SLC35F5: variants seen among roughly 807,000 people sequenced by gnomAD.
SLC35F5 encodes the protein solute carrier family 35 member F5, also known as HCV NS5A-transactivated protein 3.
A neutral mutation model predicts 68.6 loss-of-function variants in SLC35F5; 54 were observed. The observed-to-expected ratio is 0.79, with a 90% CI of 0.63 to 0.99. The LOEUF is 0.99. SLC35F5 is among the 50% of genes least tolerant of loss of function. The pLI is 0.00. For missense variants in SLC35F5, 567 were observed against 626.9 expected (o/e 0.90, Z 1.02); for synonymous variants, 211 against 205.2 (o/e 1.03, Z -0.24).
intron 15 of SLC35F5, 137 bp from the exon 16 acceptor site, chr2:113,715,332 A>G (rs1174908945): frequency 1.3e-5 from 2 of 152,232 alleles, no homozygotes; most frequent in Non-Finnish European, 2.9e-5. Flanking sequence ...ATAACTGGAT[A>G]CTCAAATTTG....
chr2:113,704,749 A>C (rs536712248), downstream of SLC35F5, among the ~76,000 whole-genome samples: 6 of 152,116 alleles, frequency 3.9e-5, no homozygotes, highest in South Asian at 1.2e-3. Flanking sequence ...CTGGCCCGCA[A>C]GCACCGCGCG....
In SLC35F5 at chr2:113,755,400, T is replaced by G; in HGVS notation, c.131+54A>C. 4 of 1,605,472 alleles carry G rather than the reference T, an allele frequency of 2.5e-6. No individual in the cohort carries two copies. The South Asian group carries it at 4.4e-5, about 18-fold the overall frequency. ...TTAGTATAACAGAAACATTTGACTT[T>G]TGTTAGCTAATGTTCAGTGTGAAAG... On this transcript the variant is annotated intron_variant, in intron 2 of 15. Transcript: ENST00000245680.
chr2:113,750,681 G>T, intron 3 of SLC35F5, 113 bp from the exon 4 acceptor site: 1 of 962,256 alleles, frequency 1.0e-6, no homozygotes, highest in Non-Finnish European at 1.5e-6. Flanking sequence ...CACTTGGAAA[G>T]AAAAAGTCAA....
downstream of SLC35F5, among the ~76,000 whole-genome samples, chr2:113,706,241 A>G (rs942792464): frequency 3.3e-5 from 5 of 152,310 alleles, no homozygotes; most frequent in East Asian, 9.7e-4. Context: ...GCTGGCTTCC[A>G]GTCAGCTCCT....
chr2:113,753,168 C>CTTT (rs1173478465), intron 3 of SLC35F5, among the ~76,000 whole-genome samples: 1,176 of 49,016 alleles, frequency 0.024, 311 homozygotes, highest in African/African-American at 0.072. Context: ...GTTTGTTTTT[C>CTTT]TTTTTTTTTT....
intron 10 of SLC35F5, 111 bp downstream of exon 10, chr2:113,731,473 A>G (rs1687883583): frequency 1.4e-6 from 1 of 695,352 alleles, no homozygotes; most frequent in Non-Finnish European, 2.4e-6. Context: ...AAGTTCAAAA[A>G]AAACCCACCC....
intron 4 of SLC35F5, among the ~76,000 whole-genome samples, chr2:113,749,410 A>G (rs1676647048): frequency 6.6e-6 from 1 of 152,212 alleles, no homozygotes; most frequent in Admixed American, 6.5e-5. Flanking sequence ...TGAGGCAAGT[A>G]GACTGCTTGA....
intron 10 of SLC35F5, among the ~76,000 whole-genome samples, chr2:113,730,334 T>C (rs1024909274): frequency 6.6e-6 from 1 of 152,232 alleles, no homozygotes; most frequent in Non-Finnish European, 1.5e-5. Flanking sequence ...TAATCAATTA[T>C]TCAAAAGACG....
chr2:113,733,547 A>G, intron 9 of SLC35F5: 1 of 192,946 alleles, frequency 5.2e-6, no homozygotes, highest in Non-Finnish European at 1.2e-5. Context: ...AAATCATGTA[A>G]AAGAATAAAT....
intron 7 of SLC35F5, among the ~76,000 whole-genome samples, chr2:113,741,143 C>G (rs1676256884): frequency 6.6e-6 from 1 of 152,082 alleles, no homozygotes; most frequent in African/African-American, 2.4e-5. Context: ...CTGGATGAAC[C>G]TGGAGGACAT....
In SLC35F5 at chr2:113,740,762, G is replaced by A. The variant is rs374335449; in HGVS notation, c.750+1930C>T. Reference sequence around the variant, plus strand: ...CTGCCTCAGCCTCCTGAGTAGCTGAGACTACAGGTGCACACCACCATGCCC... The same window carrying A: ...CTGCCTCAGCCTCCTGAGTAGCTGAAACTACAGGTGCACACCACCATGCCC... On this transcript the variant is annotated intron_variant, in intron 7 of 15. Transcript: ENST00000245680. Among the ~76,000 whole-genome samples, 11 of 152,244 alleles carry A rather than the reference G, an allele frequency of 7.2e-5. No homozygotes were observed. In the East Asian group the frequency reaches 1.9e-3, roughly 27 times the overall value.
Position 113,755,440 on chromosome 2 carries a change from A to G in SLC35F5, c.131+14T>C. 1 of 1,613,754 alleles carries G rather than the reference A, an allele frequency of 6.2e-7. No homozygotes were observed. The highest frequency in any genetic ancestry group is 8.5e-7 in the Non-Finnish European group (1 of 1,179,634). ...CAGTGTGAAAGTTACATAGAGGATA[A>G]ACGTGGAATCTACCTTGTCTTAAGA... On this transcript the variant is annotated intron_variant, in intron 2 of 15. Transcript: ENST00000245680.
At chr2:113,729,148 G>A (rs572020160) in intron 11 of SLC35F5, among the ~76,000 whole-genome samples, 1 of 152,310 alleles carries the variant, frequency 6.6e-6, no homozygotes, top group East Asian at 1.9e-4. Flanking sequence ...GCAGTCTGAA[G>A]ACATCAATTT....
Position 113,711,639 on chromosome 2 carries a change from A to C in SLC35F5, c.*3579T>G, listed in dbSNP as rs1686988423. On this transcript the variant is annotated 3_prime_UTR_variant, in exon 16 of 16. Coordinates refer to ENST00000245680, the MANE Select transcript of SLC35F5 (RefSeq NM_025181.5). ...CTCAAACTTCAAATTCTGTAAACTGAACATCTCATTAATGCCACTTCACCA... is the reference window on the plus strand; with the variant it reads ...CTCAAACTTCAAATTCTGTAAACTGCACATCTCATTAATGCCACTTCACCA... Among the ~76,000 whole-genome samples the C allele has an allele frequency of 6.6e-6, 1 of 152,192 alleles. No homozygotes were observed. Among genetic ancestry groups the C allele is most frequent in the South Asian group, 2.1e-4 (1 of 4,828 alleles).
intron 7 of SLC35F5, among the ~76,000 whole-genome samples, chr2:113,739,780 A>G (rs748897195): frequency 2.2e-4 from 33 of 152,170 alleles, no homozygotes; most frequent in Non-Finnish European, 4.1e-4. Flanking sequence ...AAAATCTGCT[A>G]TAACTCTTGA....
intron 9 of SLC35F5, among the ~76,000 whole-genome samples, chr2:113,732,235 G>C (rs1687924762): frequency 6.6e-6 from 1 of 152,042 alleles, no homozygotes; most frequent in Non-Finnish European, 1.5e-5. Flanking sequence ...CTGAATTAAG[G>C]ATGTAGAGAT....
chr2:113,754,656 G>T (rs1676892799), intron 3 of SLC35F5, among the ~76,000 whole-genome samples: 1 of 152,238 alleles, frequency 6.6e-6, no homozygotes, highest in East Asian at 1.9e-4. Context: ...TTAACTGAAG[G>T]AAAATTATGA....
rs567368278 is a variant in SLC35F5, at chr2:113,750,409, A to C, written c.417+16T>G. 2 of 1,582,168 alleles carry C rather than the reference A, an allele frequency of 1.3e-6. No individual in the cohort carries two copies. The highest frequency in any genetic ancestry group is 2.3e-5 in the South Asian group (2 of 85,452). ...TATACCCCCTTCCTAACAGACAGTT[A>C]AAATTAAAAACTTACAAAAGCAGCA... On this transcript the variant is annotated intron_variant, in intron 4 of 15. Transcript: ENST00000245680.
At chr2:113,731,674 T>A (rs369175447) in intron 9 of SLC35F5, 26 bp from the exon 10 acceptor site, 1 of 1,568,928 alleles carries the variant, frequency 6.4e-7, no homozygotes. Flanking sequence ...TCATTAATGA[T>A]GAGCTAAAGA....
Sources: gnomAD v4.1 joint callset for allele counts (sites outside exome capture counted in the v4.1 genomes callset) on GRCh38, gnomAD v4.1.1 for gene constraint, MANE v1.5 for transcripts, NCBI Gene and HGNC (gene_info 2026-07-23, HGNC 2026-07-21) for gene names.